Variants in CCDC73 observed in about 807,000 individuals in gnomAD.
CCDC73 encodes the protein coiled-coil domain containing 73, also known as coiled-coil domain-containing protein 73.
A neutral mutation model predicts 116.5 loss-of-function variants in CCDC73; 95 were observed. The ratio of observed to expected loss-of-function variants is 0.82; its 90% CI spans 0.69 to 0.97. The LOEUF (loss-of-function observed/expected upper bound fraction) is 0.97, where lower values mean the gene tolerates loss of function less well. CCDC73 is among the 50% of genes least tolerant of loss of function. The pLI, the probability that CCDC73 is intolerant of heterozygous loss-of-function variation, is 0.00. For missense variants in CCDC73, 1,066 were observed against 1,206.8 expected (o/e 0.88, Z 1.73); for synonymous variants, 398 against 401.3 (o/e 0.99, Z 0.10).
At chr11:32,736,158 A>T (rs1426350002) in intron 2 of CCDC73, among the ~76,000 whole-genome samples, 1 of 152,216 alleles carries the variant, frequency 6.6e-6, no homozygotes, top group Non-Finnish European at 1.5e-5. Context: ...ACATTGACAA[A>T]TGGGATCTAA....
chr11:32,640,580 C>G (rs918309075), intron 13 of CCDC73, among the ~76,000 whole-genome samples: 1 of 152,090 alleles, frequency 6.6e-6, no homozygotes, highest in African/African-American at 2.4e-5. Context: ...TGCTTGTTGC[C>G]TAATGATAAA....
At position 32,613,613 on chromosome 11, in the gene CCDC73, A is replaced by G. The variant is rs370560446; in HGVS notation, c.2705T>C (p.Met902Thr). 5.6e-6 allele frequency: 9 copies of G among 1,614,146 alleles called. No individual in the cohort carries two copies. Among genetic ancestry groups the G allele is most frequent in the Non-Finnish European group, 8.5e-7 (1 of 1,179,992 alleles). The change falls in exon 16 of 18, where the codon ATG becomes ACG. Residue 902 changes from methionine to threonine, a missense_variant. Coordinates refer to ENST00000335185, the MANE Select transcript of CCDC73 (RefSeq NM_001008391.4). Reference sequence around the variant, plus strand: ...CCAAGGACCGGGGTCTGAAAAATTCATGTATACTGGAGTTTTCTCAGTTTT... The same window carrying G: ...CCAAGGACCGGGGTCTGAAAAATTCGTGTATACTGGAGTTTTCTCAGTTTT... ...DKKTEKTPVY[M>T]NFSDPGPWSK...
Position 32,641,896 on chromosome 11 carries a change from T to C in CCDC73, c.1050+76A>G, listed in dbSNP as rs1855736032. ...GTCCTCTAATATTTTTGCAATATTT[T>C]CTTAGCATTTATAGTTATTTTAAAT... On this transcript the variant is annotated intron_variant, in intron 13 of 17. Coordinates refer to ENST00000335185, the MANE Select transcript of CCDC73 (RefSeq NM_001008391.4). 23 of 1,102,374 alleles carry C rather than the reference T, an allele frequency of 2.1e-5. No homozygotes were observed. In the South Asian group the frequency reaches 8.3e-4, roughly 40 times the overall value. The allele number at this position is 1,102,374 out of a possible 1,614,324, so 68.3% of individuals were successfully genotyped here. A position where few individuals can be genotyped will look rare whatever the true frequency, so the allele number is the denominator to read the frequency against.
At chr11:32,694,035 A>T (rs1487189679) in intron 6 of CCDC73, among the ~76,000 whole-genome samples, 1 of 152,240 alleles carries the variant, frequency 6.6e-6, no homozygotes, top group African/African-American at 2.4e-5. Context: ...CACCATTCCT[A>T]TTCAACATAG....
chr11:32,745,049 T>C (rs1206805900), intron 2 of CCDC73, among the ~76,000 whole-genome samples: 2 of 152,224 alleles, frequency 1.3e-5, no homozygotes, highest in Non-Finnish European at 2.9e-5. Flanking sequence ...TTTAGTGATA[T>C]AAATTTCCCT....
chr11:32,661,880 T>C (rs1467153473), intron 9 of CCDC73, among the ~76,000 whole-genome samples: 1 of 151,670 alleles, frequency 6.6e-6, no homozygotes, highest in African/African-American at 2.4e-5. Flanking sequence ...TTCCCCTTCC[T>C]GCGTCCATGT....
intron 9 of CCDC73, among the ~76,000 whole-genome samples, chr11:32,672,579 T>G: frequency 6.6e-6 from 1 of 152,154 alleles, no homozygotes; most frequent in East Asian, 1.9e-4. Context: ...AAAATGTGTT[T>G]ATTCACACCT....
At chr11:32,717,642 T>G (rs532123808) in intron 3 of CCDC73, among the ~76,000 whole-genome samples, 2 of 152,280 alleles carry the variant, frequency 1.3e-5, no homozygotes, top group East Asian at 3.9e-4. Context: ...CAATAAGGAT[T>G]AGAATACATT....
intron 14 of CCDC73, among the ~76,000 whole-genome samples, chr11:32,629,943 A>AC: frequency 6.6e-6 from 1 of 151,194 alleles, no homozygotes; most frequent in African/African-American, 2.4e-5. Context: ...AACAAAAAAA[A>AC]AACGTTAAAA....
the CCDC73 span, among the ~76,000 whole-genome samples, chr11:32,823,378 G>A: frequency 2.0e-5 from 3 of 152,182 alleles, no homozygotes; most frequent in African/African-American, 7.2e-5. Flanking sequence ...GGGGGCTAAG[G>A]CAGGAGAATC....
At chr11:32,682,785 A>G (rs1856159882) in intron 7 of CCDC73, 1 of 152,058 alleles carries the variant, frequency 6.6e-6, no homozygotes, top group Non-Finnish European at 1.5e-5. Flanking sequence ...TTATGCTGTA[A>G]AAAGCAAAAA....
chr11:32,675,945 G>A lies in CCDC73; in HGVS notation c.506C>T (p.Ala169Val), dbSNP rs1288422739. The change falls in exon 8 of 18, where the codon GCC (alanine) becomes GTC (valine). Residue 169 changes from alanine (A) to valine (V), a missense_variant. Transcript: ENST00000335185. The stretch of plus-strand genomic sequence containing the variant: ...CAATCCAAATTGACCTGTTATTGTG[G>A]CATAATATTTCTCAATTTCACTCAG... The part of the protein sequence containing the change: ...KQLSEIEKYY[A>V]TITGQFGLVK... The A allele has an allele frequency of 6.2e-7, 1 of 1,607,940 alleles. No individual in the cohort carries two copies. The highest frequency in any genetic ancestry group is 1.3e-5 in the African/African-American group (1 of 74,672).
chr11:32,676,060 A>T, intron 7 of CCDC73, 39 bp from the exon 8 acceptor site: 1 of 1,510,694 alleles, frequency 6.6e-7, no homozygotes, highest in Admixed American at 2.1e-5. Flanking sequence ...TACATATAAC[A>T]CACACACATC....
At chr11:32,684,211 C>A (rs1271652301) in intron 6 of CCDC73, among the ~76,000 whole-genome samples, 1 of 152,062 alleles carries the variant, frequency 6.6e-6, no homozygotes, top group African/African-American at 2.4e-5. Flanking sequence ...GCCACCACAC[C>A]TGGCTAATTT....
chr11:32,631,954 TGA>T (rs1308174531), intron 14 of CCDC73, among the ~76,000 whole-genome samples: 7 of 152,212 alleles, frequency 4.6e-5, no homozygotes, highest in Non-Finnish European at 1.5e-5. Flanking sequence ...ATTTCTCTTG[TGA>T]GGTTCTCTCT....
chr11:32,686,861 A>C (rs1322944419), intron 6 of CCDC73, among the ~76,000 whole-genome samples: 1 of 152,160 alleles, frequency 6.6e-6, no homozygotes, highest in African/African-American at 2.4e-5. Context: ...TTAATATTTT[A>C]ATTATTTAAA....
intron 2 of CCDC73, among the ~76,000 whole-genome samples, chr11:32,755,016 T>C (rs1316091413): frequency 1.3e-5 from 2 of 149,272 alleles, no homozygotes; most frequent in African/African-American, 4.9e-5. Flanking sequence ...ACCTCCCACG[T>C]AGCTGGGATT....
At position 32,704,780 on chromosome 11, in the gene CCDC73, C is replaced by T. The variant is rs550686393; in HGVS notation, c.208-1836G>A. 8.3e-4 allele frequency among the ~76,000 whole-genome samples: 126 copies of T among 152,336 alleles called. 1 individual carries two copies. Among genetic ancestry groups the T allele is most frequent in the African/African-American group, 2.9e-3 (121 of 41,574 alleles). The stretch of plus-strand genomic sequence containing the variant: ...CCACCCATGGGCCAATAAACACACA[C>T]TTCCTCCACTCTGAGGCAATAAAAA... On this transcript the variant is annotated intron_variant, in intron 3 of 17. Coordinates refer to ENST00000335185, the MANE Select transcript of CCDC73 (RefSeq NM_001008391.4).
chr11:32,827,315 G>A, the CCDC73 span, among the ~76,000 whole-genome samples: 7 of 152,014 alleles, frequency 4.6e-5, no homozygotes, highest in African/African-American at 9.7e-5. Context: ...TTGCAGCTCC[G>A]TAGTGACTGA....
Sources: gnomAD v4.1 joint callset for allele counts (sites outside exome capture counted in the v4.1 genomes callset) on GRCh38, gnomAD v4.1.1 for gene constraint, MANE v1.5 for transcripts, NCBI Gene and HGNC (gene_info 2026-07-23, HGNC 2026-07-21) for gene names.